The following CCDC83 variants were observed in gnomAD, a reference collection of about 807,000 sequenced individuals.
CCDC83 encodes the protein coiled-coil domain-containing protein 83.
CCDC83 carries 54 observed loss-of-function variants against 50.1 expected under a neutral mutation model. The observed-to-expected ratio is 1.08, with a 90% confidence interval of 0.87 to 1.35. The LOEUF is 1.35. CCDC83 is among the 40% of genes most tolerant of loss of function. The probability of loss-of-function intolerance (pLI) is 0.00; values close to 1 mark genes in which losing one functional copy is unlikely to be tolerated. For missense variants in CCDC83, 518 were observed against 473.9 expected, an observed-to-expected ratio of 1.09 and a Z score of -0.86; for synonymous variants, 161 against 153.3, an observed-to-expected ratio of 1.05 and a Z score of -0.37.
chr11:85,884,470 C>T (rs914878801), intron 4 of CCDC83, among the ~76,000 whole-genome samples: 10 of 152,146 alleles, frequency 6.6e-5, no homozygotes, highest in African/African-American at 2.4e-4. Flanking sequence ...TTGAGAAATA[C>T]TGCTGCAACC....
intron 3 of CCDC83, 53 bp downstream of exon 3, chr11:85,873,348 C>A (rs1305017598): frequency 1.5e-6 from 1 of 680,858 alleles, no homozygotes; most frequent in Non-Finnish European, 2.4e-6. Context: ...TACACTCATG[C>A]TTTAAAAAAT....
At chr11:85,858,338 G>A (rs187393563) in intron 1 of CCDC83, among the ~76,000 whole-genome samples, 1 of 152,180 alleles carries the variant, frequency 6.6e-6, no homozygotes, top group Non-Finnish European at 1.5e-5. Context: ...ACCTGTACTT[G>A]TCCCGTGATG....
At chr11:85,917,169 A>AGAGAGAG (rs759852369) in intron 10 of CCDC83, among the ~76,000 whole-genome samples, 2 of 90,166 alleles carry the variant, frequency 2.2e-5, no homozygotes, top group African/African-American at 8.8e-5. Flanking sequence ...AGAGAGAGAG[A>AGAGAGAG]AAGAAAGAAA....
chr11:85,860,522 G>C (rs1398301205), intron 1 of CCDC83, among the ~76,000 whole-genome samples: 2 of 152,134 alleles, frequency 1.3e-5, no homozygotes, highest in African/African-American at 4.8e-5. Context: ...AGCAGAAAAG[G>C]GAACACTTAT....
chr11:85,865,060 G>A (rs1481061983), intron 1 of CCDC83, 36 bp from the exon 2 acceptor site: 1 of 1,071,952 alleles, frequency 9.3e-7, no homozygotes, highest in Non-Finnish European at 1.4e-6. Context: ...GGCAAAGATG[G>A]AATTTTTCAC....
At chr11:85,912,044 G>C (rs1442344943) in intron 8 of CCDC83, among the ~76,000 whole-genome samples, 1 of 151,794 alleles carries the variant, frequency 6.6e-6, no homozygotes, top group African/African-American at 2.4e-5. Context: ...ATTCAAAATG[G>C]CACTCATAAT....
intron 5 of CCDC83, among the ~76,000 whole-genome samples, chr11:85,891,157 C>T (rs779128668): frequency 6.6e-6 from 1 of 152,174 alleles, no homozygotes; most frequent in Non-Finnish European, 1.5e-5. Flanking sequence ...CTTCTACTTC[C>T]CACAGAACAG....
intron 8 of CCDC83, among the ~76,000 whole-genome samples, chr11:85,914,462 G>A (rs77043733): frequency 0.022 from 3,285 of 152,244 alleles, 138 homozygotes; most frequent in African/African-American, 0.074. Flanking sequence ...ACATCAGTTC[G>A]CTGGGCTTGT....
chr11:85,903,107 C>T (rs553181538), intron 7 of CCDC83, among the ~76,000 whole-genome samples: 1 of 151,800 alleles, frequency 6.6e-6, no homozygotes, highest in Non-Finnish European at 1.5e-5. Flanking sequence ...GTTGTGGGCA[C>T]CTATAATCCC....
chr11:85,863,600 G>A (rs1263827938), intron 1 of CCDC83, among the ~76,000 whole-genome samples: 1 of 152,218 alleles, frequency 6.6e-6, no homozygotes, highest in Non-Finnish European at 1.5e-5. Context: ...CAGCCTGACT[G>A]GAAGTCTGAG....
chr11:85,872,346 G>A (rs1220300541), intron 2 of CCDC83, among the ~76,000 whole-genome samples: 2 of 152,148 alleles, frequency 1.3e-5, no homozygotes, highest in Non-Finnish European at 2.9e-5. Flanking sequence ...TTAGCCGGGT[G>A]TGGGGGCAGG....
chr11:85,876,474 T>C (rs2135014546), intron 3 of CCDC83, among the ~76,000 whole-genome samples: 1 of 152,280 alleles, frequency 6.6e-6, no homozygotes, highest in South Asian at 2.1e-4. Flanking sequence ...AGATTGGAAC[T>C]CTCTGCTCTG....
At chr11:85,901,652 A>T (rs1424997101) in intron 7 of CCDC83, among the ~76,000 whole-genome samples, 1 of 151,828 alleles carries the variant, frequency 6.6e-6, no homozygotes, top group African/African-American at 2.4e-5. Flanking sequence ...AAAAAAAAAA[A>T]AGGAAGAAGA....
chr11:85,918,907 T>G (rs1014481553), intron 10 of CCDC83, among the ~76,000 whole-genome samples: 4 of 152,266 alleles, frequency 2.6e-5, no homozygotes, highest in South Asian at 2.1e-4. Flanking sequence ...ACCTTTTATC[T>G]GTACATATCT....
At chr11:85,917,677 A>G (rs1172878247) in intron 10 of CCDC83, among the ~76,000 whole-genome samples, 1 of 152,232 alleles carries the variant, frequency 6.6e-6, no homozygotes, top group East Asian at 1.9e-4. Flanking sequence ...GATGTAAGAA[A>G]GCAGAAGAAA....
At chr11:85,881,202 C>T (rs1330424879) in intron 3 of CCDC83, among the ~76,000 whole-genome samples, 1 of 151,906 alleles carries the variant, frequency 6.6e-6, no homozygotes, top group Non-Finnish European at 1.5e-5. Flanking sequence ...AATCCCGTCT[C>T]TACTAAAAAT....
chr11:85,904,370 G>C lies in CCDC83; in HGVS notation c.672+5355G>C, dbSNP rs965230996. 2.0e-5 allele frequency among the ~76,000 whole-genome samples: 3 copies of C among 152,272 alleles called. No individual in the cohort carries two copies. In the South Asian group the frequency reaches 6.2e-4, roughly 32 times the overall value. On this transcript the variant is annotated intron_variant, in intron 7 of 10. Transcript: ENST00000342404. ...CTCTAGCAGGTAATAGAGAGTCATGGAATTCTGTTTCTTAGTAGCCTGTTT... is the reference window on the plus strand; with the variant it reads ...CTCTAGCAGGTAATAGAGAGTCATGCAATTCTGTTTCTTAGTAGCCTGTTT...
intron 1 of CCDC83, among the ~76,000 whole-genome samples, chr11:85,862,175 T>C (rs1456903591): frequency 6.6e-6 from 1 of 152,144 alleles, no homozygotes; most frequent in African/African-American, 2.4e-5. Context: ...TGTCCATTTT[T>C]AGTAAATAAA....
chr11:85,876,377 A>G (rs2093269254), intron 3 of CCDC83, among the ~76,000 whole-genome samples: 2 of 152,264 alleles, frequency 1.3e-5, no homozygotes, highest in African/African-American at 2.4e-5. Context: ...CTTAGTTAAT[A>G]ACATTGTACT....
Sources: gnomAD v4.1 joint callset for allele counts (sites outside exome capture counted in the v4.1 genomes callset) on GRCh38, gnomAD v4.1.1 for gene constraint, MANE v1.5 for transcripts, NCBI Gene and HGNC (gene_info 2026-07-23, HGNC 2026-07-21) for gene names.